Variants in SLC22A16 observed in about 807,000 individuals in gnomAD.
SLC22A16 encodes the protein WUGSC:RG331P03.1.
Under a neutral mutation model 52.9 loss-of-function variants are expected in SLC22A16, and 53 were observed. The observed-to-expected ratio is 1.00, with a 90% confidence interval of 0.80 to 1.26. The LOEUF (loss-of-function observed/expected upper bound fraction) is 1.26, where lower values mean the gene tolerates loss of function less well. Among genes scored for constraint, SLC22A16 ranks in the 50% most tolerant of loss-of-function variants. The pLI is 0.00. For synonymous variants in SLC22A16, 291 were observed against 268.8 expected (o/e 1.08, Z -0.81); for missense variants, 726 against 704.0 (o/e 1.03, Z -0.35).
chr6:110,465,137 T>G (rs1204975395), intron 1 of SLC22A16, among the ~76,000 whole-genome samples: 2 of 148,144 alleles, frequency 1.4e-5, no homozygotes, highest in African/African-American at 4.9e-5. Flanking sequence ...GGCATCAAAG[T>G]AACATACCTC....
At position 110,442,239 on chromosome 6, in the gene SLC22A16, C is replaced by G; in HGVS notation, c.1183+5G>C. The G allele has an allele frequency of 6.2e-7, 1 of 1,612,016 alleles. No individual in the cohort carries two copies. The highest frequency in any genetic ancestry group is 8.5e-7 in the Non-Finnish European group (1 of 1,178,916). On this transcript the variant is annotated splice_donor_5th_base_variant and intron_variant, in intron 4 of 7. Coordinates refer to ENST00000368919, the MANE Select transcript of SLC22A16 (RefSeq NM_033125.4). ...GCCAAATTTAAATATACTGTAACTACTTACCCAGGAGGAAGAGGTTTAAGT... is the reference window on the plus strand; with the variant it reads ...GCCAAATTTAAATATACTGTAACTAGTTACCCAGGAGGAAGAGGTTTAAGT...
intron 2 of SLC22A16, among the ~76,000 whole-genome samples, chr6:110,449,846 A>G (rs1562289403): frequency 2.0e-5 from 3 of 152,182 alleles, no homozygotes; most frequent in South Asian, 4.1e-4. Flanking sequence ...ACCTCATGTC[A>G]GTACACCTTC....
At chr6:110,459,989 C>G (rs1158850610) in intron 1 of SLC22A16, among the ~76,000 whole-genome samples, 1 of 152,114 alleles carries the variant, frequency 6.6e-6, no homozygotes, top group Non-Finnish European at 1.5e-5. Flanking sequence ...GACCTTTGAA[C>G]AGGTGACTTA....
chr6:110,476,534 C>A lies in SLC22A16; in HGVS notation c.41G>T (p.Gly14Val). 1.3e-6 allele frequency: 2 copies of A among 1,511,294 alleles called. No homozygotes were observed. The allele number at this position is 1,511,294 out of a possible 1,614,324, so 93.6% of individuals were successfully genotyped here. A position where few individuals can be genotyped will look rare whatever the true frequency, so the allele number is the denominator to read the frequency against. The change falls in exon 1 of 8, where the codon GGG becomes GTG. Residue 14 changes from glycine (G) to valine (V), a missense_variant. Coordinates refer to ENST00000368919, the MANE Select transcript of SLC22A16 (RefSeq NM_033125.4). ...RHFEGIYDHV[G>V]HFGRFQRVLY... Reference sequence around the variant, plus strand: ...CCCTCCCCCATACCTGCCGAAGTGCCCCACGTGGTCATAAATCCCCTCGAA... The same window carrying A: ...CCCTCCCCCATACCTGCCGAAGTGCACCACGTGGTCATAAATCCCCTCGAA...
At chr6:110,445,551 T>A (rs139362924) in intron 3 of SLC22A16, among the ~76,000 whole-genome samples, 26 of 152,264 alleles carry the variant, frequency 1.7e-4, no homozygotes, top group African/African-American at 5.3e-4. Flanking sequence ...ATCCACAGAA[T>A]TCCCCCACAA....
intron 6 of SLC22A16, among the ~76,000 whole-genome samples, chr6:110,433,697 T>C (rs1774599823): frequency 1.3e-5 from 2 of 152,178 alleles, no homozygotes; most frequent in Admixed American, 1.3e-4. Context: ...GCCATTAAGA[T>C]TGGGTCTTTA....
At chr6:110,453,227 T>C (rs886918660) in intron 2 of SLC22A16, among the ~76,000 whole-genome samples, 1 of 152,208 alleles carries the variant, frequency 6.6e-6, no homozygotes, top group Admixed American at 6.5e-5. Context: ...GTGGTTATTT[T>C]ATTATTTGTG....
intron 2 of SLC22A16, among the ~76,000 whole-genome samples, chr6:110,451,721 C>G (rs1775387615): frequency 6.6e-6 from 1 of 152,126 alleles, no homozygotes; most frequent in African/African-American, 2.4e-5. Context: ...ACATTCATGT[C>G]TTTCCTCTTT....
intron 2 of SLC22A16, chr6:110,453,805 A>T: frequency 2.3e-6 from 1 of 427,936 alleles, no homozygotes; most frequent in South Asian, 1.7e-5. Flanking sequence ...TATTTAGCTC[A>T]TAGTTCTGCA....
chr6:110,459,493 A>G lies in SLC22A16; in HGVS notation c.54-2476T>C, dbSNP rs143004883. On this transcript the variant is annotated intron_variant, in intron 1 of 7. Coordinates refer to ENST00000368919, the MANE Select transcript of SLC22A16 (RefSeq NM_033125.4). ...CATCTACAGGTTACCTGGCCAATAT[A>G]CCTAAAGACTGCCAAGGTCACAAAA... Among the ~76,000 whole-genome samples, 1,004 of 152,282 alleles carry G rather than the reference A, an allele frequency of 6.6e-3. 5 individuals carry two copies. The highest frequency in any genetic ancestry group is 0.011 in the Non-Finnish European group (768 of 68,014).
chr6:110,452,333 T>C (rs1305138676), intron 2 of SLC22A16, among the ~76,000 whole-genome samples: 1 of 152,222 alleles, frequency 6.6e-6, no homozygotes. Flanking sequence ...TGTAGGACTT[T>C]TTTCATACAA....
chr6:110,456,479 A>C, intron 2 of SLC22A16, 59 bp downstream of exon 2: 3 of 1,561,298 alleles, frequency 1.9e-6, no homozygotes, highest in Non-Finnish European at 2.6e-6. Flanking sequence ...TGTCCCAAGA[A>C]AACCAGATAG....
In SLC22A16 at chr6:110,442,713, A is replaced by T. The variant is rs1366493037; in HGVS notation, c.714T>A (p.Ser238=). Reference sequence around the variant, plus strand: ...GCAAATGGACAGACGCCCATGTCCGAGACTTCATGCCAATGAATTCCATCA... The same window carrying T: ...GCAAATGGACAGACGCCCATGTCCGTGACTTCATGCCAATGAATTCCATCA... ...VYVMEFIGMK[S]RTWASVHLHS... The change falls in exon 4 of 8, where the codon TCT becomes TCA. Residue 238 remains serine, a synonymous_variant. Coordinates refer to ENST00000368919, the MANE Select transcript of SLC22A16 (RefSeq NM_033125.4). 6.2e-7 allele frequency: 1 copy of T among 1,614,086 alleles called. No individual in the cohort carries two copies. The highest frequency in any genetic ancestry group is 1.3e-5 in the African/African-American group (1 of 74,934).
At chr6:110,455,496 T>C (rs1775612838) in intron 2 of SLC22A16, 4 of 152,168 alleles carry the variant, frequency 2.6e-5, no homozygotes, top group Admixed American at 2.0e-4. Flanking sequence ...ATCTAAGCTA[T>C]TGTCTTTAGG....
chr6:110,450,810 T>A (rs754823387), intron 2 of SLC22A16, among the ~76,000 whole-genome samples: 2 of 152,124 alleles, frequency 1.3e-5, no homozygotes, highest in Non-Finnish European at 2.9e-5. Flanking sequence ...ATCAAATGCC[T>A]AGAAATCACA....
At chr6:110,440,108 G>C (rs535648238) in intron 4 of SLC22A16, 6 of 152,066 alleles carry the variant, frequency 3.9e-5, no homozygotes, top group African/African-American at 1.4e-4. Flanking sequence ...CTCCATTTTC[G>C]ACCAGGGCCG....
At chr6:110,464,643 A>T (rs957667530) in intron 1 of SLC22A16, among the ~76,000 whole-genome samples, 1 of 152,040 alleles carries the variant, frequency 6.6e-6, no homozygotes, top group African/African-American at 2.4e-5. Context: ...TCAGTAACAA[A>T]AAAATGTAAC....
chr6:110,457,748 C>A (rs745980782), intron 1 of SLC22A16, among the ~76,000 whole-genome samples: 12 of 152,122 alleles, frequency 7.9e-5, no homozygotes, highest in Non-Finnish European at 1.8e-4. Context: ...CTGTTATGCC[C>A]GGGTAGGGCC....
Position 110,440,897 on chromosome 6 carries a change from T to C in SLC22A16, c.1183+1347A>G, listed in dbSNP as rs112409547. 4.9e-3 allele frequency among the ~76,000 whole-genome samples: 752 copies of C among 152,324 alleles called. 12 individuals are homozygous for C. Among genetic ancestry groups the C allele is most frequent in the African/African-American group, 0.017 (724 of 41,568 alleles). On this transcript the variant is annotated intron_variant, in intron 4 of 7. Coordinates refer to ENST00000368919, the MANE Select transcript of SLC22A16 (RefSeq NM_033125.4). The stretch of plus-strand genomic sequence containing the variant: ...TAGAACGTGTCTGAAGAGGAGCTAG[T>C]TTGAGGCACTAAGAAGAATAAGATA...
Sources: gnomAD v4.1 joint callset for allele counts (sites outside exome capture counted in the v4.1 genomes callset) on GRCh38, gnomAD v4.1.1 for gene constraint, MANE v1.5 for transcripts, NCBI Gene and HGNC (gene_info 2026-07-23, HGNC 2026-07-21) for gene names.